ABL1: variants seen among roughly 807,000 people sequenced by gnomAD.
ABL1 encodes the protein ABL proto-oncogene 1, non-receptor tyrosine kinase, also known as tyrosine-protein kinase ABL1.
ABL1 carries 11 observed loss-of-function variants against 94.7 expected under a neutral mutation model. The ratio of observed to expected loss-of-function variants is 0.12; its 90% CI spans 0.07 to 0.19. The LOEUF (loss-of-function observed/expected upper bound fraction) is 0.19. Among genes scored for constraint, ABL1 ranks in the 10% least tolerant of loss-of-function variants. The pLI is 1.00. For synonymous variants in ABL1, 656 were observed against 622.4 expected, an observed-to-expected ratio of 1.05 and a Z score of -0.80; for missense variants, 1,082 against 1,489.4, an observed-to-expected ratio of 0.73 and a Z score of 4.50.
chr9:130,886,072 C>G lies in ABL1; in HGVS notation c.*389C>G, dbSNP rs757611062. 4 of 260,880 alleles carry G rather than the reference C, an allele frequency of 1.5e-5. No homozygotes were observed. Among genetic ancestry groups the G allele is most frequent in the Non-Finnish European group, 2.9e-5 (4 of 135,958 alleles). The allele number at this position is 260,880 out of a possible 1,614,324, so 16.2% of individuals were successfully genotyped here. On this transcript the variant is annotated 3_prime_UTR_variant, in exon 11 of 11. Transcript: ENST00000318560. ...TTTCTCTCTGGAGCCCCTCCTCCCC[C>G]GGCTGGGCCTCCTTCTTCCACTTCT...
intron 1 of ABL1, among the ~76,000 whole-genome samples, chr9:130,847,781 A>G (rs546385901): frequency 2.0e-5 from 3 of 152,336 alleles, no homozygotes; most frequent in African/African-American, 7.2e-5. Context: ...TTGAATCAAA[A>G]AGCAGTGGGA....
At chr9:130,819,386 ATTTTCTCATCCT>A (rs1830328978) in intron 1 of ABL1, among the ~76,000 whole-genome samples, 1 of 151,396 alleles carries the variant, frequency 6.6e-6, no homozygotes. Flanking sequence ...GACAAAATAA[ATTTTCTCATCCT>A]TTTTTGTCAT....
Position 130,884,096 on chromosome 9 carries a change from C to T in ABL1, c.1806C>T (p.Ala602=). Residue 602 remains alanine, a synonymous_variant, in exon 11 of 11, where the codon GCC becomes GCT. Coordinates refer to ENST00000318560, the MANE Select transcript of ABL1 (RefSeq NM_005157.6). This position sits in a 1 kb window ranked among gnomAD's most constrained non-coding sequence, Gnocchi z 5.6. ...PKDKKTNLFS[A]LIKKKKKTAP... ...ACAAAAAGACCAACTTGTTCAGCGC[C>T]TTGATCAAGAAGAAGAAGAAGACAG... 6.2e-7 allele frequency: 1 copy of T among 1,613,866 alleles called. No individual in the cohort carries two copies. The highest frequency in any genetic ancestry group is 8.5e-7 in the Non-Finnish European group (1 of 1,180,042).
Position 130,880,466 on chromosome 9 carries a change from T to C in ABL1, c.1514-34T>C. 5 of 1,612,604 alleles carry C rather than the reference T, an allele frequency of 3.1e-6. No individual in the cohort carries two copies. The highest frequency in any genetic ancestry group is 4.2e-6 in the Non-Finnish European group (5 of 1,179,120). On this transcript the variant is annotated intron_variant, in intron 9 of 10. Coordinates refer to ENST00000318560, the MANE Select transcript of ABL1 (RefSeq NM_005157.6). This position sits in a 1 kb window ranked among gnomAD's most constrained non-coding sequence, Gnocchi z 4.4. ...AGCCAACACCAGTACTGATGGCTGCTGGATTTTTGTTTCTGTCCCTGTATG... is the reference window on the plus strand; with the variant it reads ...AGCCAACACCAGTACTGATGGCTGCCGGATTTTTGTTTCTGTCCCTGTATG...
At chr9:130,807,978 C>T (rs941173030) in intron 1 of ABL1, among the ~76,000 whole-genome samples, 28 of 150,712 alleles carry the variant, frequency 1.9e-4, no homozygotes, top group East Asian at 7.8e-4. Context: ...GGATTACAGG[C>T]GTGAGCCACT....
At chr9:130,753,701 C>T (rs893003971) in intron 1 of ABL1, among the ~76,000 whole-genome samples, 1 of 149,818 alleles carries the variant, frequency 6.7e-6, no homozygotes, top group African/African-American at 2.4e-5. Context: ...GCTGGGATTA[C>T]AGGCGTGAGC....
chr9:130,829,430 C>T (rs1003600559), intron 1 of ABL1, among the ~76,000 whole-genome samples: 1 of 152,024 alleles, frequency 6.6e-6, no homozygotes, highest in African/African-American at 2.4e-5. Context: ...GGCGTGGTGG[C>T]GGTCCCCTGT....
At chr9:130,728,753 C>G (rs922067447) in intron 1 of ABL1, among the ~76,000 whole-genome samples, 4 of 152,050 alleles carry the variant, frequency 2.6e-5, no homozygotes, top group African/African-American at 9.6e-5. Flanking sequence ...TTCATTAGAC[C>G]TGTCTTTTCC....
chr9:130,781,543 A>G (rs974481712), intron 1 of ABL1, among the ~76,000 whole-genome samples: 1 of 152,200 alleles, frequency 6.6e-6, no homozygotes, highest in Non-Finnish European at 1.5e-5. Context: ...CCATATTTAT[A>G]TATGCAGTTT....
chr9:130,751,218 T>G (rs746674735), intron 1 of ABL1, among the ~76,000 whole-genome samples: 3 of 129,186 alleles, frequency 2.3e-5, no homozygotes, highest in Non-Finnish European at 4.7e-5. Flanking sequence ...CTCGGCTCAC[T>G]GCAACCTCTG....
exon 1 of ABL1, among the ~76,000 whole-genome samples, chr9:130,713,669 T>C (rs754938535): frequency 6.6e-6 from 1 of 152,222 alleles, no homozygotes; most frequent in Admixed American, 6.5e-5. Flanking sequence ...CCAAAAACTT[T>C]AATGCAAAGG....
At chr9:130,843,504 G>A (rs750291084) in intron 1 of ABL1, among the ~76,000 whole-genome samples, 6 of 152,200 alleles carry the variant, frequency 3.9e-5, no homozygotes, top group Non-Finnish European at 8.8e-5. Context: ...GCTGAGGTTT[G>A]AACAAGGCCT....
intron 1 of ABL1, among the ~76,000 whole-genome samples, chr9:130,775,573 C>T (rs146638932): frequency 2.0e-4 from 31 of 152,004 alleles, no homozygotes; most frequent in African/African-American, 5.1e-4. Context: ...TTATACAAAA[C>T]GCAGCATAGA....
chr9:130,809,437 TGTGTGTGCAC>T (rs1830176614), intron 1 of ABL1, among the ~76,000 whole-genome samples: 1 of 148,870 alleles, frequency 6.7e-6, no homozygotes, highest in African/African-American at 2.6e-5. Flanking sequence ...TGTGTGTGTG[TGTGTGTGCAC>T]GTGTGAAGAA....
intron 1 of ABL1, among the ~76,000 whole-genome samples, chr9:130,847,433 G>A (rs1830789994): frequency 6.6e-6 from 1 of 152,110 alleles, no homozygotes; most frequent in African/African-American, 2.4e-5. Flanking sequence ...CTGACAGAGG[G>A]ACCGGTGGAA....
intron 1 of ABL1, among the ~76,000 whole-genome samples, chr9:130,716,936 C>T (rs575606679): frequency 1.3e-5 from 2 of 151,440 alleles, no homozygotes; most frequent in South Asian, 2.1e-4. Context: ...TTTTATCTGC[C>T]TCTGTGATAT....
chr9:130,720,507 A>G (rs2132673728), intron 1 of ABL1, among the ~76,000 whole-genome samples: 1 of 152,288 alleles, frequency 6.6e-6, no homozygotes, highest in South Asian at 2.1e-4. Flanking sequence ...AGCAAAGAGC[A>G]AAAGGAGAGA....
intron 4 of ABL1, among the ~76,000 whole-genome samples, chr9:130,869,106 G>A (rs1367314513): frequency 3.3e-5 from 5 of 151,988 alleles, no homozygotes; most frequent in African/African-American, 1.2e-4. Context: ...GGCGGAGCTT[G>A]CAGTGAGCCG....
chr9:130,777,534 T>G (rs1056077832), intron 1 of ABL1, among the ~76,000 whole-genome samples: 2 of 144,424 alleles, frequency 1.4e-5, no homozygotes, highest in Non-Finnish European at 3.0e-5. Flanking sequence ...GGCTTTGTGT[T>G]GGGACGCTGA....
Sources: gnomAD v4.1 joint callset for allele counts (sites outside exome capture counted in the v4.1 genomes callset) on GRCh38, gnomAD v4.1.1 for gene constraint, Gnocchi (gnomAD v3.1) non-coding constraint, MANE v1.5 for transcripts, NCBI Gene and HGNC (gene_info 2026-07-23, HGNC 2026-07-21) for gene names.